Variants in PXK observed in about 807,000 individuals in gnomAD.
PXK encodes PX domain-containing protein kinase-like protein.
In PXK, 35 loss-of-function variants were observed where a neutral mutation model predicts 84.7. The ratio of observed to expected loss-of-function variants is 0.41; its 90% CI spans 0.32 to 0.55. The LOEUF (loss-of-function observed/expected upper bound fraction) is 0.55. PXK is among the 20% of genes least tolerant of loss of function. The pLI, the probability that PXK is intolerant of heterozygous loss-of-function variation, is 0.21. For missense variants in PXK, 634 were observed against 699.7 expected, an observed-to-expected ratio of 0.91 and a Z score of 1.06; for synonymous variants, 253 against 260.8, an observed-to-expected ratio of 0.97 and a Z score of 0.29.
chr3:58,336,798 C>T (rs1358416339), intron 1 of PXK, among the ~76,000 whole-genome samples: 1 of 152,104 alleles, frequency 6.6e-6, no homozygotes, highest in Admixed American at 6.6e-5. Context: ...GATAGCTTTT[C>T]ATCTCAGTTT....
intron 3 of PXK, 52 bp from the exon 4 acceptor site, chr3:58,382,462 G>C (rs2098512099): frequency 1.4e-6 from 2 of 1,399,016 alleles, no homozygotes; most frequent in African/African-American, 3.0e-5. Context: ...TTTTTGTGTT[G>C]ATTCTTATTT....
At chr3:58,382,400 T>C in intron 3 of PXK, 114 bp from the exon 4 acceptor site, 2 of 756,168 alleles carry the variant, frequency 2.6e-6, no homozygotes, top group Non-Finnish European at 3.8e-6. Context: ...GAAATTAGGA[T>C]GCATCTAAAA....
At chr3:58,365,067 C>T (rs80140227) in intron 1 of PXK, among the ~76,000 whole-genome samples, 3,226 of 151,296 alleles carry the variant, frequency 0.021, 124 homozygotes, top group African/African-American at 0.074. Flanking sequence ...GAGTGTATTA[C>T]GCTCTTCTTT....
rs2098246087 is a variant in PXK at position 58,364,789 on chromosome 3, A to T, written c.103-1085A>T. ...TTGTGGTATTTAGTGTTCCTGAGGA[A>T]GTGGTCCATTTCATCTAAGTTGTCA... On this transcript the variant is annotated intron_variant, in intron 1 of 17. Coordinates refer to ENST00000356151, the MANE Select transcript of PXK (RefSeq NM_017771.5). This position sits in a 1 kb window ranked among gnomAD's most constrained non-coding sequence, Gnocchi z 4.3. Among the ~76,000 whole-genome samples, 1 of 152,112 alleles carries T rather than the reference A, an allele frequency of 6.6e-6. No individual in the cohort carries two copies. The highest frequency in any genetic ancestry group is 1.5e-5 in the Non-Finnish European group (1 of 68,016).
Position 58,399,200 on chromosome 3 carries a change from C to A in PXK, c.1103-99C>A. ...GATTTTTGACACTGTCCTGATCAGCCCGCAGACAGTTATTGCAAAGTGGTG... is the reference window on the plus strand; with the variant it reads ...GATTTTTGACACTGTCCTGATCAGCACGCAGACAGTTATTGCAAAGTGGTG... On this transcript the variant is annotated intron_variant, in intron 11 of 17. Coordinates refer to ENST00000356151, the MANE Select transcript of PXK (RefSeq NM_017771.5). This position sits in a 1 kb window ranked among gnomAD's most constrained non-coding sequence, Gnocchi z 4.3. 2.0e-6 allele frequency: 2 copies of A among 1,023,592 alleles called. No individual in the cohort carries two copies. The highest frequency in any genetic ancestry group is 3.0e-6 in the Non-Finnish European group (2 of 656,898). 63.4% of individuals were successfully genotyped at this position (1,023,592 alleles called of 1,614,324 possible). A position where few individuals can be genotyped will look rare whatever the true frequency, so the allele number is the denominator to read the frequency against.
chr3:58,354,954 A>C (rs1379763459), intron 1 of PXK, among the ~76,000 whole-genome samples: 3 of 151,992 alleles, frequency 2.0e-5, no homozygotes, highest in Non-Finnish European at 4.4e-5. Context: ...TCCCGTCTCT[A>C]CTAAAATTGC....
Position 58,411,739 on chromosome 3 carries a change from A to G in PXK, c.1466-1162A>G, listed in dbSNP as rs1216581933. Among the ~76,000 whole-genome samples, 3 of 152,146 alleles carry G rather than the reference A, an allele frequency of 2.0e-5. No individual in the cohort carries two copies. Among genetic ancestry groups the G allele is most frequent in the Admixed American group, 6.5e-5 (1 of 15,272 alleles). On this transcript the variant is annotated intron_variant, in intron 16 of 17. Transcript: ENST00000356151. This position sits in a 1 kb window ranked among gnomAD's most constrained non-coding sequence, Gnocchi z 4.2. The stretch of plus-strand genomic sequence containing the variant: ...ATGAAGTAGCAGTTGATGGATATAT[A>G]CAGATAATTCCCAAACTTTACTGGA...
chr3:58,420,154 C>G (rs1383310941), intron 17 of PXK, among the ~76,000 whole-genome samples: 1 of 152,206 alleles, frequency 6.6e-6, no homozygotes, highest in East Asian at 1.9e-4. Context: ...TAGAACTAAG[C>G]ACACTCCTCA....
chr3:58,424,442 C>T (rs1360784529), intron 17 of PXK, among the ~76,000 whole-genome samples: 2 of 152,184 alleles, frequency 1.3e-5, no homozygotes, highest in African/African-American at 4.8e-5. Flanking sequence ...GGGACTATTA[C>T]TTTGCAAATG....
At chr3:58,355,846 G>A (rs1473878868) in intron 1 of PXK, among the ~76,000 whole-genome samples, 1 of 152,194 alleles carries the variant, frequency 6.6e-6, no homozygotes, top group African/African-American at 2.4e-5. Flanking sequence ...CTGGCCTCAG[G>A]ACTTCCCCGG....
chr3:58,363,093 A>T (rs1398034947), intron 1 of PXK, among the ~76,000 whole-genome samples: 1 of 152,206 alleles, frequency 6.6e-6, no homozygotes. Flanking sequence ...ATGTATATCA[A>T]TTTAGGGATA....
chr3:58,381,902 AG>A (rs1161795348), intron 3 of PXK, among the ~76,000 whole-genome samples: 1 of 152,134 alleles, frequency 6.6e-6, no homozygotes, highest in Non-Finnish European at 1.5e-5. Context: ...ACCTGGTAGC[AG>A]GGGTAAGGGG....
chr3:58,336,396 C>A (rs1203624862), intron 1 of PXK, among the ~76,000 whole-genome samples: 1 of 152,114 alleles, frequency 6.6e-6, no homozygotes, highest in Non-Finnish European at 1.5e-5. Flanking sequence ...TTTGCTGATG[C>A]TGATGCATCA....
Position 58,424,764 on chromosome 3 carries a change from TACCTCCACCTCCTCC to T in PXK, c.1551_1565del (p.Pro520_Pro524del), listed in dbSNP as rs1219945351. On this transcript the variant is annotated inframe_deletion, in exon 18 of 18. Coordinates refer to ENST00000356151, the MANE Select transcript of PXK (RefSeq NM_017771.5). The stretch of plus-strand genomic sequence containing the variant: ...TTTTCCTCCACAGGGATATCTGCAT[TACCTCCACCTCCTCC>T]ACCTCCACCACCACCAGCAGCTCCC... 4 of 1,613,640 alleles carry T rather than the reference TACCTCCACCTCCTCC, an allele frequency of 2.5e-6. No homozygotes were observed. The highest frequency in any genetic ancestry group is 1.1e-5 in the South Asian group (1 of 90,986).
intron 1 of PXK, among the ~76,000 whole-genome samples, chr3:58,338,294 CA>C (rs2097660202): frequency 7.4e-6 from 1 of 134,982 alleles, no homozygotes; most frequent in Non-Finnish European, 1.6e-5. Context: ...GAGCCGACAT[CA>C]CGCCATTGCA....
chr3:58,359,711 A>G (rs1559918768), intron 1 of PXK, among the ~76,000 whole-genome samples: 2 of 152,252 alleles, frequency 1.3e-5, no homozygotes, highest in Admixed American at 6.5e-5. Flanking sequence ...GTAAAAGCCA[A>G]GAAAATGTGT....
intron 3 of PXK, among the ~76,000 whole-genome samples, chr3:58,380,565 C>CT (rs2098488506): frequency 6.6e-6 from 1 of 152,016 alleles, no homozygotes; most frequent in Non-Finnish European, 1.5e-5. Context: ...AATCCCAATA[C>CT]TTTGAGAGGC....
intron 4 of PXK, among the ~76,000 whole-genome samples, chr3:58,386,496 G>A (rs1015620295): frequency 1.3e-5 from 2 of 151,196 alleles, no homozygotes; most frequent in Non-Finnish European, 2.9e-5. Flanking sequence ...GGGGTTTCAC[G>A]ATGTTGGCCA....
At chr3:58,380,548 C>T (rs954227701) in intron 3 of PXK, among the ~76,000 whole-genome samples, 3 of 151,846 alleles carry the variant, frequency 2.0e-5, no homozygotes, top group Admixed American at 1.3e-4. Context: ...CAGTGGCTCA[C>T]GCCTGTAATC....
Sources: gnomAD v4.1 joint callset for allele counts (sites outside exome capture counted in the v4.1 genomes callset) on GRCh38, gnomAD v4.1.1 for gene constraint, Gnocchi (gnomAD v3.1) non-coding constraint, MANE v1.5 for transcripts, NCBI Gene and HGNC (gene_info 2026-07-23, HGNC 2026-07-21) for gene names.